The following EXOC4 variants were observed in gnomAD, a reference collection of about 807,000 sequenced individuals.
EXOC4 encodes the protein SEC8-like 1.
Under a neutral mutation model 107.2 loss-of-function variants are expected in EXOC4, and 71 were observed. The observed-to-expected ratio is 0.66, with a 90% CI of 0.55 to 0.81. The LOEUF (loss-of-function observed/expected upper bound fraction) is 0.81. EXOC4 is among the 30% of genes least tolerant of loss of function. EXOC4 has a pLI of 0.00. For synonymous variants in EXOC4, 456 were observed against 441.2 expected (o/e 1.03, Z -0.42); for missense variants, 1,108 against 1,189.6 (o/e 0.93, Z 1.01).
intron 7 of EXOC4, among the ~76,000 whole-genome samples, chr7:133,423,821 C>T (rs917335461): frequency 6.6e-6 from 1 of 152,088 alleles, no homozygotes; most frequent in African/African-American, 2.4e-5. Flanking sequence ...GGCACGAGCT[C>T]GGAGGGCCCG....
At chr7:134,093,237 G>GCAAAA in the EXOC4 span, among the ~76,000 whole-genome samples, 2 of 151,978 alleles carry the variant, frequency 1.3e-5, no homozygotes, top group Admixed American at 1.3e-4. Flanking sequence ...GATCTGCCAT[G>GCAAAA]CAAAACAAAA....
At chr7:133,647,063 T>C (rs1227433835) in intron 10 of EXOC4, among the ~76,000 whole-genome samples, 1 of 152,204 alleles carries the variant, frequency 6.6e-6, no homozygotes, top group Non-Finnish European at 1.5e-5. Context: ...ATGATTTTGC[T>C]TGCATTGCTC....
At chr7:133,439,182 C>CTT (rs35280420) in intron 7 of EXOC4, among the ~76,000 whole-genome samples, 67,294 of 94,136 alleles carry the variant, frequency 0.71, 24,857 homozygotes, top group East Asian at 0.88. Flanking sequence ...TTCATCAGTT[C>CTT]TTTTTTTTTT....
chr7:133,386,452 G>A (rs1020752073), intron 7 of EXOC4, among the ~76,000 whole-genome samples: 1 of 152,100 alleles, frequency 6.6e-6, no homozygotes, highest in African/African-American at 2.4e-5. Context: ...AGAGCTCTCT[G>A]GCAGTTGCTG....
intron 9 of EXOC4, among the ~76,000 whole-genome samples, chr7:133,604,817 G>A (rs573308760): frequency 1.4e-5 from 2 of 141,532 alleles, no homozygotes; most frequent in Non-Finnish European, 3.0e-5. Flanking sequence ...CCCACCTCCC[G>A]GATTTAAGTG....
intron 7 of EXOC4, among the ~76,000 whole-genome samples, chr7:133,404,844 T>C (rs960812139): frequency 6.7e-6 from 1 of 148,570 alleles, no homozygotes; most frequent in Non-Finnish European, 1.5e-5. Flanking sequence ...CTGGGCAACA[T>C]AGTGAGACTG....
chr7:133,313,388 G>C (rs565858111), intron 4 of EXOC4, among the ~76,000 whole-genome samples: 1 of 152,258 alleles, frequency 6.6e-6, no homozygotes, highest in South Asian at 2.1e-4. Flanking sequence ...ATCTTTGACA[G>C]ATATTTCTTA....
At chr7:133,863,824 G>C (rs1242173690) in intron 11 of EXOC4, among the ~76,000 whole-genome samples, 1 of 152,200 alleles carries the variant, frequency 6.6e-6, no homozygotes, top group East Asian at 1.9e-4. Context: ...GTGACTGACA[G>C]TTGTGACATT....
intron 9 of EXOC4, among the ~76,000 whole-genome samples, chr7:133,530,452 G>T (rs1263558709): frequency 2.0e-5 from 3 of 152,136 alleles, no homozygotes; most frequent in African/African-American, 7.2e-5. Context: ...TGTACAGCAT[G>T]TTATTGTACT....
intron 9 of EXOC4, among the ~76,000 whole-genome samples, chr7:133,625,345 T>A (rs1802428329): frequency 6.6e-6 from 1 of 152,204 alleles, no homozygotes; most frequent in East Asian, 1.9e-4. Flanking sequence ...CAATCCTTAT[T>A]TTATAAATGG....
chr7:133,476,566 A>C (rs1026137332), intron 8 of EXOC4, among the ~76,000 whole-genome samples: 2 of 152,180 alleles, frequency 1.3e-5, no homozygotes, highest in East Asian at 3.8e-4. Context: ...AGTGTTTTTA[A>C]TAATTAAAGC....
intron 17 of EXOC4, among the ~76,000 whole-genome samples, chr7:134,036,219 T>A (rs1795384643): frequency 6.6e-6 from 1 of 152,206 alleles, no homozygotes. Flanking sequence ...GACTTTCTAG[T>A]TTCCTTGATC....
chr7:133,321,701 T>A (rs914208212), intron 5 of EXOC4, among the ~76,000 whole-genome samples: 2 of 152,244 alleles, frequency 1.3e-5, no homozygotes, highest in Non-Finnish European at 2.9e-5. Flanking sequence ...TGCATGTGCT[T>A]TATAGTAAAA....
chr7:133,915,810 G>A (rs1422705821), intron 12 of EXOC4, among the ~76,000 whole-genome samples: 2 of 152,084 alleles, frequency 1.3e-5, no homozygotes, highest in African/African-American at 4.8e-5. Flanking sequence ...GAGGGAAGAA[G>A]TTTCTGTAAT....
the EXOC4 span, among the ~76,000 whole-genome samples, chr7:134,075,003 TAAA>T: frequency 6.6e-6 from 1 of 151,144 alleles, no homozygotes; most frequent in Non-Finnish European, 1.5e-5. Context: ...CTCCACAGTA[TAAA>T]AAAAAAGTAA....
At chr7:134,088,626 C>T in the EXOC4 span, among the ~76,000 whole-genome samples, 1 of 152,124 alleles carries the variant, frequency 6.6e-6, no homozygotes, top group South Asian at 2.1e-4. Context: ...TTCGTCTATT[C>T]TAATGTCACA....
Position 133,728,853 on chromosome 7 carries a change from A to G in EXOC4, c.1515-88472A>G, listed in dbSNP as rs77559101. On this transcript the variant is annotated intron_variant, in intron 10 of 17. Transcript: ENST00000253861. ...TCCACCCTAACATACTGTTAGTAATACAGAACTCTCCACCTTTTGAGGAAA... is the reference window on the plus strand; with the variant it reads ...TCCACCCTAACATACTGTTAGTAATGCAGAACTCTCCACCTTTTGAGGAAA... Among the ~76,000 whole-genome samples the G allele has an allele frequency of 1.9e-3, 292 of 152,288 alleles. 4 individuals are homozygous for G. Among genetic ancestry groups the G allele is most frequent in the African/African-American group, 6.7e-3 (280 of 41,568 alleles).
At chr7:133,698,170 T>C (rs566086065) in intron 10 of EXOC4, among the ~76,000 whole-genome samples, 1 of 152,160 alleles carries the variant, frequency 6.6e-6, no homozygotes, top group Non-Finnish European at 1.5e-5. Flanking sequence ...TTGTGTTTTG[T>C]TTACCCCTGC....
chr7:133,513,926 T>C (rs1187664471), intron 9 of EXOC4, among the ~76,000 whole-genome samples: 3 of 152,130 alleles, frequency 2.0e-5, no homozygotes, highest in Non-Finnish European at 4.4e-5. Context: ...GAGGAGAAAA[T>C]TGGCTGTTCC....
Sources: allele counts gnomAD v4.1 joint callset (sites outside exome capture counted in the v4.1 genomes callset), GRCh38; gene constraint gnomAD v4.1.1; transcripts MANE v1.5; gene names NCBI Gene and HGNC (gene_info 2026-07-23, HGNC 2026-07-21).